PDE8B: variants seen among roughly 807,000 people sequenced by gnomAD.
PDE8B encodes the protein high affinity cAMP-specific and IBMX-insensitive 3',5'-cyclic phosphodiesterase 8B.
A neutral mutation model predicts 101.3 loss-of-function variants in PDE8B; 26 were observed. The ratio of observed to expected loss-of-function variants is 0.26; its 90% CI spans 0.19 to 0.36. The LOEUF is 0.36. PDE8B is among the 10% of genes least tolerant of loss of function. The pLI is 1.00. For synonymous variants in PDE8B, 424 were observed against 429.3 expected (o/e 0.99, Z 0.15); for missense variants, 810 against 1,163.1 (o/e 0.70, Z 4.42).
rs1165142198 is a variant in PDE8B, at chr5:77,418,457, C to T, written c.2129+11C>T. On this transcript the variant is annotated intron_variant, in intron 18 of 21. Transcript: ENST00000264917. The stretch of plus-strand genomic sequence containing the variant: ...CAAGAATATTGACAGGTTTGTTGTG[C>T]TGGGGCTCCTGTGCTCAAGTTTGTG... The T allele has an allele frequency of 6.3e-7, 1 of 1,585,442 alleles. No individual in the cohort carries two copies. The highest frequency in any genetic ancestry group is 8.7e-7 in the Non-Finnish European group (1 of 1,155,602).
At chr5:77,227,120 G>A (rs1752563660) in intron 1 of PDE8B, among the ~76,000 whole-genome samples, 1 of 152,038 alleles carries the variant, frequency 6.6e-6, no homozygotes, top group Admixed American at 6.5e-5. Flanking sequence ...CCTTATTTTG[G>A]TATTAATCAC....
chr5:77,259,588 G>T (rs1247256125), intron 1 of PDE8B, among the ~76,000 whole-genome samples: 1 of 152,164 alleles, frequency 6.6e-6, no homozygotes, highest in Non-Finnish European at 1.5e-5. Context: ...CCCTCACTTG[G>T]AAGGGGAATT....
At chr5:77,101,648 A>C in the PDE8B span, among the ~76,000 whole-genome samples, 1 of 151,836 alleles carries the variant, frequency 6.6e-6, no homozygotes, top group Non-Finnish European at 1.5e-5. Context: ...GCCTGCTTTC[A>C]CAGCTCAACT....
At chr5:77,314,024 A>G (rs981668726) in intron 2 of PDE8B, among the ~76,000 whole-genome samples, 1 of 152,110 alleles carries the variant, frequency 6.6e-6, no homozygotes, top group African/African-American at 2.4e-5. Context: ...GTTTTCTTCT[A>G]AGAGTTTTAT....
the PDE8B span, among the ~76,000 whole-genome samples, chr5:77,110,026 C>T: frequency 2.1e-5 from 3 of 143,350 alleles, no homozygotes; most frequent in Non-Finnish European, 4.5e-5. Flanking sequence ...CAACCTCTGC[C>T]TCCTGGGTTC....
At chr5:77,225,334 A>T (rs1752095238) in intron 1 of PDE8B, among the ~76,000 whole-genome samples, 1 of 152,216 alleles carries the variant, frequency 6.6e-6, no homozygotes, top group Non-Finnish European at 1.5e-5. Flanking sequence ...CAGTTTATAA[A>T]TATTAGATGT....
At chr5:77,402,801 T>C (rs1361165601) in intron 11 of PDE8B, among the ~76,000 whole-genome samples, 1 of 152,208 alleles carries the variant, frequency 6.6e-6, no homozygotes. Context: ...TTAAGTAACA[T>C]TTCCAAGATT....
intron 20 of PDE8B, among the ~76,000 whole-genome samples, chr5:77,423,025 T>C (rs575481094): frequency 6.6e-6 from 1 of 152,320 alleles, no homozygotes; most frequent in Non-Finnish European, 1.5e-5. Context: ...TTCCCTCCTT[T>C]TGAAGTCTCC....
chr5:77,129,081 G>C, the PDE8B span, among the ~76,000 whole-genome samples: 1 of 152,040 alleles, frequency 6.6e-6, no homozygotes, highest in East Asian at 1.9e-4. Context: ...TATTAGGTCT[G>C]TAATCTTTTG....
chr5:77,243,597 C>T (rs960791986), intron 1 of PDE8B, among the ~76,000 whole-genome samples: 1 of 152,142 alleles, frequency 6.6e-6, no homozygotes, highest in African/African-American at 2.4e-5. Context: ...TGGAATCATA[C>T]AATATGTAGT....
At chr5:77,149,077 T>C in the PDE8B span, among the ~76,000 whole-genome samples, 1 of 152,234 alleles carries the variant, frequency 6.6e-6, no homozygotes. Flanking sequence ...TTCATATTCG[T>C]ACATGTGGAT....
rs892058576 is a variant in PDE8B at position 77,274,085 on chromosome 5, G to A, written c.340-37909G>A. ...GATCTGCCTGCCTCGGCCTCCCAACGTGATGGGATTACAGGCGTGAACCAT... is the reference window on the plus strand; with the variant it reads ...GATCTGCCTGCCTCGGCCTCCCAACATGATGGGATTACAGGCGTGAACCAT... On this transcript the variant is annotated intron_variant, in intron 1 of 21. Coordinates refer to ENST00000264917, the MANE Select transcript of PDE8B (RefSeq NM_003719.5). Among the ~76,000 whole-genome samples the A allele has an allele frequency of 1.3e-3, 200 of 152,248 alleles. 2 individuals are homozygous for A. Among genetic ancestry groups the A allele is most frequent in the African/African-American group, 4.6e-3 (190 of 41,540 alleles).
chr5:77,375,987 G>C (rs1302177844), intron 10 of PDE8B, among the ~76,000 whole-genome samples: 1 of 144,350 alleles, frequency 6.9e-6, no homozygotes, highest in Non-Finnish European at 1.5e-5. Flanking sequence ...CCGCCTCCCA[G>C]GTTCAAGCGA....
chr5:77,260,884 G>A (rs1760440392), intron 1 of PDE8B, among the ~76,000 whole-genome samples: 2 of 152,138 alleles, frequency 1.3e-5, no homozygotes, highest in Non-Finnish European at 2.9e-5. Flanking sequence ...CCTGGCCACT[G>A]TGGCTCACTT....
At chr5:77,186,197 G>T in the PDE8B span, among the ~76,000 whole-genome samples, 4 of 152,154 alleles carry the variant, frequency 2.6e-5, no homozygotes, top group Admixed American at 2.6e-4. Context: ...GGCTTCCCTG[G>T]TGTGCCCAGG....
the PDE8B span, among the ~76,000 whole-genome samples, chr5:77,198,162 G>C: frequency 6.6e-6 from 1 of 152,020 alleles, no homozygotes; most frequent in African/African-American, 2.4e-5. Flanking sequence ...TTAAAGGTAG[G>C]TCTGCAGTAT....
chr5:77,100,121 T>C, the PDE8B span: 1 of 152,210 alleles, frequency 6.6e-6, no homozygotes, highest in Non-Finnish European at 1.5e-5. Context: ...TTTGTTGTGG[T>C]TTATGTACAT....
the PDE8B span, among the ~76,000 whole-genome samples, chr5:77,091,410 C>G: frequency 6.6e-6 from 1 of 152,148 alleles, no homozygotes; most frequent in African/African-American, 2.4e-5. Context: ...GAGGCCCAGG[C>G]GAGTGGATCA....
intron 19 of PDE8B, 78 bp downstream of exon 19, chr5:77,419,965 C>T: frequency 6.6e-7 from 1 of 1,511,942 alleles, no homozygotes; most frequent in Non-Finnish European, 9.2e-7. Flanking sequence ...GAAGCATTTT[C>T]TCTCCCACTC....
Sources: allele counts gnomAD v4.1 joint callset (sites outside exome capture counted in the v4.1 genomes callset), GRCh38; gene constraint gnomAD v4.1.1; transcripts MANE v1.5; gene names NCBI Gene and HGNC (gene_info 2026-07-23, HGNC 2026-07-21).